The following PEX3 variants were observed in gnomAD, a reference collection of about 807,000 sequenced individuals.
PEX3 encodes the protein peroxisomal biogenesis factor 3.
A neutral mutation model predicts 55.8 loss-of-function variants in PEX3; 30 were observed. The observed-to-expected ratio is 0.54, with a 90% CI of 0.40 to 0.73. The LOEUF is 0.73. Ranked by LOEUF, PEX3 falls within the 30% of genes least tolerant of loss-of-function variation. The pLI is 0.00. For synonymous variants in PEX3, 135 were observed against 148.4 expected (o/e 0.91, Z 0.66); for missense variants, 351 against 432.8 (o/e 0.81, Z 1.68).
At chr6:143,474,719 T>C in intron 8 of PEX3, 67 bp from the exon 9 acceptor site, 1 of 845,144 alleles carries the variant, frequency 1.2e-6, no homozygotes, top group Non-Finnish European at 2.1e-6. Context: ...TTTATGAATG[T>C]GATTAGTTTC....
rs1160472327 is a variant in PEX3, at chr6:143,482,599, A to C, written c.942-2553A>C. ...AGTTATTGGAAAAGAAGAGCAATGG[A>C]TATGCTTTTCCTATATAATATATAA... On this transcript the variant is annotated intron_variant, in intron 10 of 11. Coordinates refer to ENST00000367591, the MANE Select transcript of PEX3 (RefSeq NM_003630.3). The surrounding 1 kb of genome is among the most constrained non-coding windows in gnomAD (Gnocchi z 5.5). Among the ~76,000 whole-genome samples, 1 of 151,946 alleles carries C rather than the reference A, an allele frequency of 6.6e-6. No individual in the cohort carries two copies. The highest frequency in any genetic ancestry group is 1.5e-5 in the Non-Finnish European group (1 of 67,918).
rs1780350720 is a variant in PEX3 at position 143,488,827 on chromosome 6, A to C, written c.1039-316A>C. Among the ~76,000 whole-genome samples the C allele has an allele frequency of 6.6e-6, 1 of 152,048 alleles. No individual in the cohort carries two copies. Among genetic ancestry groups the C allele is most frequent in the East Asian group, 1.9e-4 (1 of 5,192 alleles). On this transcript the variant is annotated intron_variant, in intron 11 of 11. Transcript: ENST00000367591. The surrounding 1 kb of genome is among the most constrained non-coding windows in gnomAD (Gnocchi z 4.9). ...GTCAGCTTCCAGCAAAAGTACCTTT[A>C]CTCCTACAATTATTTATTCAACAGA...
intron 4 of PEX3, 42 bp from the exon 5 acceptor site, chr6:143,470,919 G>A (rs1163042896): frequency 1.9e-6 from 3 of 1,576,820 alleles, no homozygotes; most frequent in Non-Finnish European, 2.6e-6. Flanking sequence ...TTACACATTT[G>A]TATTAATCAC....
Position 143,485,263 on chromosome 6 carries a change from T to A in PEX3, c.1038+15T>A. ...ATTTTGTTCAGGTAAGAAGAAAGCT[T>A]GGGAGTGTTATTAAAAGCAAATTAT... On this transcript the variant is annotated intron_variant, in intron 11 of 11. Coordinates refer to ENST00000367591, the MANE Select transcript of PEX3 (RefSeq NM_003630.3). This position sits in a 1 kb window ranked among gnomAD's most constrained non-coding sequence, Gnocchi z 5.6. The A allele has an allele frequency of 7.1e-7, 1 of 1,401,828 alleles. No homozygotes were observed. Among genetic ancestry groups the A allele is most frequent in the Non-Finnish European group, 1.0e-6 (1 of 986,606 alleles). The allele number at this position is 1,401,828 out of a possible 1,614,324, so 86.8% of individuals were successfully genotyped here.
In PEX3 at chr6:143,459,560, A is replaced by G. The variant is rs1343566317; in HGVS notation, c.205+344A>G. On this transcript the variant is annotated intron_variant, in intron 2 of 11. Coordinates refer to ENST00000367591, the MANE Select transcript of PEX3 (RefSeq NM_003630.3). This position sits in a 1 kb window ranked among gnomAD's most constrained non-coding sequence, Gnocchi z 4.2. The stretch of plus-strand genomic sequence containing the variant: ...GGCAGTGATGGCTGCCATATGGAAC[A>G]TAAAGCCATGTGAGGGCTGGAACGT... 6.6e-6 allele frequency among the ~76,000 whole-genome samples: 1 copy of G among 152,254 alleles called. No homozygotes were observed. Among genetic ancestry groups the G allele is most frequent in the African/African-American group, 2.4e-5 (1 of 41,474 alleles).
chr6:143,477,356 C>T (rs1200415911), intron 9 of PEX3, among the ~76,000 whole-genome samples: 1 of 152,116 alleles, frequency 6.6e-6, no homozygotes, highest in Non-Finnish European at 1.5e-5. Context: ...ATCTTCAGCT[C>T]TTAGAACAGT....
chr6:143,471,703 A>G lies in PEX3; in HGVS notation c.578+92A>G. 1.1e-6 allele frequency: 1 copy of G among 907,702 alleles called. No individual in the cohort carries two copies. Among genetic ancestry groups the G allele is most frequent in the Non-Finnish European group, 1.8e-6 (1 of 541,256 alleles). The allele number at this position is 907,702 out of a possible 1,614,324, so 56.2% of individuals were successfully genotyped here. Reference sequence around the variant, plus strand: ...TCTAGTGAAACCAGTGACTTGACAAACGGTGATTTGTGAAACTCTTTGTAA... The same window carrying G: ...TCTAGTGAAACCAGTGACTTGACAAGCGGTGATTTGTGAAACTCTTTGTAA... On this transcript the variant is annotated intron_variant, in intron 7 of 11. Transcript: ENST00000367591. This position sits in a 1 kb window ranked among gnomAD's most constrained non-coding sequence, Gnocchi z 5.4.
intron 1 of PEX3, among the ~76,000 whole-genome samples, chr6:143,452,366 TAA>T (rs1779785623): frequency 6.6e-6 from 1 of 152,218 alleles, no homozygotes; most frequent in African/African-American, 2.4e-5. Context: ...TAAATTATCC[TAA>T]GACTACAGAG....
intron 4 of PEX3, 73 bp downstream of exon 4, chr6:143,468,238 G>T: frequency 9.9e-7 from 1 of 1,006,704 alleles, no homozygotes; most frequent in South Asian, 1.4e-5. Flanking sequence ...ATTCTATTAG[G>T]ATGACTCTTC....
intron 10 of PEX3, among the ~76,000 whole-genome samples, chr6:143,481,607 TA>T (rs1278465748): frequency 6.6e-6 from 1 of 152,120 alleles, no homozygotes; most frequent in Admixed American, 6.5e-5. Context: ...ATAACATTAA[TA>T]AGCTAATAAG....
intron 4 of PEX3, among the ~76,000 whole-genome samples, chr6:143,468,731 A>T (rs576874275): frequency 1.2e-3 from 175 of 150,636 alleles, no homozygotes; most frequent in Non-Finnish European, 1.7e-3. Flanking sequence ...TTACATATGT[A>T]TACATGTGCC....
intron 4 of PEX3, among the ~76,000 whole-genome samples, chr6:143,468,690 C>T (rs573404378): frequency 2.6e-5 from 4 of 151,560 alleles, no homozygotes; most frequent in African/African-American, 7.2e-5. Flanking sequence ...ACTTTAAGTT[C>T]TGGGGTACAT....
intron 2 of PEX3, among the ~76,000 whole-genome samples, chr6:143,460,132 T>C (rs934686169): frequency 3.3e-5 from 5 of 152,224 alleles, no homozygotes; most frequent in African/African-American, 1.2e-4. Flanking sequence ...AAAGGTACAT[T>C]CTCCTTATTT....
In PEX3 at chr6:143,488,247, C is replaced by T. The variant is rs898052086; in HGVS notation, c.1039-896C>T. Reference sequence around the variant, plus strand: ...AGGTTTACTTCCCATTTCTTTGACACTCTCAGAGGCTGTCAACCTTTTCTA... The same window carrying T: ...AGGTTTACTTCCCATTTCTTTGACATTCTCAGAGGCTGTCAACCTTTTCTA... On this transcript the variant is annotated intron_variant, in intron 11 of 11. Transcript: ENST00000367591. The surrounding 1 kb of genome is among the most constrained non-coding windows in gnomAD (Gnocchi z 4.9). Among the ~76,000 whole-genome samples, 1 of 152,074 alleles carries T rather than the reference C, an allele frequency of 6.6e-6. No individual in the cohort carries two copies. Among genetic ancestry groups the T allele is most frequent in the African/African-American group, 2.4e-5 (1 of 41,440 alleles).
rs909285071 is a variant in PEX3 at position 143,482,002 on chromosome 6, C to A, written c.941+2804C>A. On this transcript the variant is annotated intron_variant, in intron 10 of 11. Coordinates refer to ENST00000367591, the MANE Select transcript of PEX3 (RefSeq NM_003630.3). The surrounding 1 kb of genome is among the most constrained non-coding windows in gnomAD (Gnocchi z 5.5). Reference sequence around the variant, plus strand: ...TATATAAAAAAAGAGTATTTGAAATCAAAAGCAAATATACTTAATAGTAAA... The same window carrying A: ...TATATAAAAAAAGAGTATTTGAAATAAAAAGCAAATATACTTAATAGTAAA... Among the ~76,000 whole-genome samples, 1 of 151,960 alleles carries A rather than the reference C, an allele frequency of 6.6e-6. No individual in the cohort carries two copies. The highest frequency in any genetic ancestry group is 1.5e-5 in the Non-Finnish European group (1 of 67,992).
chr6:143,472,489 A>G (rs571794124), intron 8 of PEX3, 161 bp downstream of exon 8: 183 of 632,368 alleles, frequency 2.9e-4, no homozygotes, highest in Non-Finnish European at 4.2e-4. Flanking sequence ...AACAGCCATT[A>G]TGAGTGATTT....
In PEX3 at chr6:143,454,771, G is replaced by A. The variant is rs1388061321; in HGVS notation, c.73+3656G>A. 2.0e-5 allele frequency among the ~76,000 whole-genome samples: 3 copies of A among 152,154 alleles called. No homozygotes were observed. Among genetic ancestry groups the A allele is most frequent in the Non-Finnish European group, 4.4e-5 (3 of 68,034 alleles). On this transcript the variant is annotated intron_variant, in intron 1 of 11. Transcript: ENST00000367591. The surrounding 1 kb of genome is among the most constrained non-coding windows in gnomAD (Gnocchi z 4.3). ...CTGCTTAAGTTGTAGAGCTAGCAAA[G>A]GAGAAAGGACACAGAAGGAAAAAGA...
rs572510519 is a variant in PEX3 at position 143,464,487 on chromosome 6, T to G, written c.287+1490T>G. ...AAAAAGTAAAAGGAAAATTTAGGAGTATCAAAAAAACCAAAGGATTAATTT... is the reference window on the plus strand; with the variant it reads ...AAAAAGTAAAAGGAAAATTTAGGAGGATCAAAAAAACCAAAGGATTAATTT... On this transcript the variant is annotated intron_variant, in intron 3 of 11. Coordinates refer to ENST00000367591, the MANE Select transcript of PEX3 (RefSeq NM_003630.3). The surrounding 1 kb of genome is among the most constrained non-coding windows in gnomAD (Gnocchi z 5.8). Among the ~76,000 whole-genome samples, 1 of 152,032 alleles carries G rather than the reference T, an allele frequency of 6.6e-6. No homozygotes were observed. Among genetic ancestry groups the G allele is most frequent in the Admixed American group, 6.5e-5 (1 of 15,278 alleles).
At chr6:143,473,864 C>T (rs1780110328) in intron 8 of PEX3, among the ~76,000 whole-genome samples, 1 of 150,422 alleles carries the variant, frequency 6.6e-6, no homozygotes, top group Admixed American at 6.6e-5. Context: ...ACCAATCTGT[C>T]TCTTAAAAAA....
Sources: gnomAD v4.1 joint callset for allele counts (sites outside exome capture counted in the v4.1 genomes callset) on GRCh38, gnomAD v4.1.1 for gene constraint, Gnocchi (gnomAD v3.1) non-coding constraint, MANE v1.5 for transcripts, NCBI Gene and HGNC (gene_info 2026-07-23, HGNC 2026-07-21) for gene names.